Variants in POU6F2 observed in about 807,000 individuals in gnomAD.
POU6F2 encodes the protein POU class 6 homeobox 2, also known as POU domain, class 6, transcription factor 2.
POU6F2 carries 31 observed loss-of-function variants against 71.3 expected under a neutral mutation model. The observed-to-expected ratio is 0.43, with a 90% CI of 0.33 to 0.59. The LOEUF (loss-of-function observed/expected upper bound fraction) is 0.59. Ranked by LOEUF, POU6F2 falls within the 20% of genes least tolerant of loss-of-function variation. The probability of loss-of-function intolerance (pLI) is 0.04; values close to 1 mark genes in which losing one functional copy is unlikely to be tolerated. For synonymous variants in POU6F2, 347 were observed against 355.7 expected, an observed-to-expected ratio of 0.98 and a Z score of 0.27; for missense variants, 783 against 856.8, an observed-to-expected ratio of 0.91 and a Z score of 1.07.
At chr7:39,004,322 G>A (rs1788995293) in intron 1 of POU6F2, among the ~76,000 whole-genome samples, 1 of 152,208 alleles carries the variant, frequency 6.6e-6, no homozygotes, top group Admixed American at 6.5e-5. Context: ...GTCAATATGA[G>A]TATTAGGCAC....
chr7:39,401,388 A>G (rs568150256), intron 5 of POU6F2, among the ~76,000 whole-genome samples: 2 of 152,346 alleles, frequency 1.3e-5, no homozygotes, highest in African/African-American at 4.8e-5. Flanking sequence ...TCTAACTGTT[A>G]TGAGGGTGTT....
At chr7:39,172,171 A>G (rs1483581694) in intron 2 of POU6F2, among the ~76,000 whole-genome samples, 1 of 152,184 alleles carries the variant, frequency 6.6e-6, no homozygotes, top group Non-Finnish European at 1.5e-5. Flanking sequence ...TTCTTTGCAC[A>G]TTTGTGTTCA....
chr7:39,272,222 C>G (rs1005478751), intron 4 of POU6F2, among the ~76,000 whole-genome samples: 2 of 152,006 alleles, frequency 1.3e-5, no homozygotes, highest in African/African-American at 4.8e-5. Flanking sequence ...TCATAAATAC[C>G]AAATAGAAAT....
chr7:39,327,980 GCA>G (rs1785550831), intron 4 of POU6F2, among the ~76,000 whole-genome samples: 1 of 152,124 alleles, frequency 6.6e-6, no homozygotes, highest in Non-Finnish European at 1.5e-5. Flanking sequence ...GAGTGCAGTG[GCA>G]TGATCTCAGC....
intron 4 of POU6F2, among the ~76,000 whole-genome samples, chr7:39,315,393 G>T (rs1785243842): frequency 6.6e-6 from 1 of 152,124 alleles, no homozygotes; most frequent in Non-Finnish European, 1.5e-5. Context: ...TTTTTGCAAG[G>T]GTTAGAGGAG....
chr7:39,387,385 A>C (rs1231716168), intron 5 of POU6F2, among the ~76,000 whole-genome samples: 1 of 152,152 alleles, frequency 6.6e-6, no homozygotes, highest in Non-Finnish European at 1.5e-5. Flanking sequence ...CCTGCCATTC[A>C]GACTTCTTCT....
intron 4 of POU6F2, among the ~76,000 whole-genome samples, chr7:39,272,257 A>C (rs1341132452): frequency 6.6e-6 from 1 of 152,170 alleles, no homozygotes. Flanking sequence ...TCGATTCATC[A>C]TCCTCCCACT....
chr7:39,415,360 C>T (rs1787649901), intron 6 of POU6F2, among the ~76,000 whole-genome samples: 1 of 152,196 alleles, frequency 6.6e-6, no homozygotes, highest in East Asian at 1.9e-4. Context: ...TTTCGTTTTC[C>T]TGGGAATTGG....
intron 2 of POU6F2, among the ~76,000 whole-genome samples, chr7:39,087,259 C>G (rs1478205562): frequency 6.6e-6 from 1 of 151,678 alleles, no homozygotes; most frequent in Non-Finnish European, 1.5e-5. Flanking sequence ...CGTGCTTCAA[C>G]CGACAATCTT....
intron 4 of POU6F2, among the ~76,000 whole-genome samples, chr7:39,210,018 C>T (rs940270126): frequency 5.3e-5 from 8 of 152,110 alleles, no homozygotes; most frequent in East Asian, 1.9e-4. Context: ...CAGTCAACAG[C>T]GAGGGGAGAA....
intron 4 of POU6F2, among the ~76,000 whole-genome samples, chr7:39,223,585 A>G (rs1794408692): frequency 6.6e-6 from 1 of 152,192 alleles, no homozygotes; most frequent in Non-Finnish European, 1.5e-5. Flanking sequence ...AATTCAACAG[A>G]GGACCTAAAC....
In POU6F2 at chr7:39,460,735, T is replaced by C; in HGVS notation, c.1658+20T>C. On this transcript the variant is annotated intron_variant, in intron 9 of 9. Coordinates refer to ENST00000518318, the MANE Select transcript of POU6F2 (RefSeq NM_001370959.1). This position sits in a 1 kb window ranked among gnomAD's most constrained non-coding sequence, Gnocchi z 4.4. ...CTGCAGGTAACGCGCGCCTGCATGCTGTCACCTCTTCTAGCCGCCCTGGGC... is the reference window on the plus strand; with the variant it reads ...CTGCAGGTAACGCGCGCCTGCATGCCGTCACCTCTTCTAGCCGCCCTGGGC... 6.4e-7 allele frequency: 1 copy of C among 1,563,706 alleles called. No homozygotes were observed. Among genetic ancestry groups the C allele is most frequent in the Non-Finnish European group, 8.7e-7 (1 of 1,154,022 alleles).
chr7:39,318,328 G>T (rs1022356437), intron 4 of POU6F2, among the ~76,000 whole-genome samples: 1 of 152,180 alleles, frequency 6.6e-6, no homozygotes. Flanking sequence ...CCCACTACAG[G>T]GTATGTAATC....
intron 5 of POU6F2, among the ~76,000 whole-genome samples, chr7:39,360,938 T>C (rs1786375716): frequency 6.6e-6 from 1 of 152,164 alleles, no homozygotes; most frequent in African/African-American, 2.4e-5. Flanking sequence ...TGCAACCTGT[T>C]TTATCAGCAA....
intron 1 of POU6F2, among the ~76,000 whole-genome samples, chr7:39,064,476 A>T (rs924930141): frequency 1.3e-5 from 2 of 151,914 alleles, no homozygotes; most frequent in African/African-American, 4.8e-5. Flanking sequence ...AAATGAAACA[A>T]AAAAACAAAT....
intron 5 of POU6F2, among the ~76,000 whole-genome samples, chr7:39,395,354 G>T: frequency 6.6e-6 from 1 of 152,102 alleles, no homozygotes; most frequent in East Asian, 1.9e-4. Context: ...GCTATTCCCA[G>T]TGGGTGAGAA....
At position 38,995,537 on chromosome 7, in the gene POU6F2, T is replaced by C. The variant is rs541683771; in HGVS notation, c.105+17479T>C. On this transcript the variant is annotated intron_variant, in intron 1 of 9. Transcript: ENST00000518318. ...AAAAGAGAGAGGACTAAAATATTTG[T>C]TTGGCTACAGAGGGAGAAATTCCCT... Among the ~76,000 whole-genome samples, 7 of 152,342 alleles carry C rather than the reference T, an allele frequency of 4.6e-5. No homozygotes were observed. In the South Asian group the frequency reaches 1.5e-3, roughly 32 times the overall value.
chr7:39,358,923 A>G (rs1357415226), intron 5 of POU6F2, among the ~76,000 whole-genome samples: 2 of 151,578 alleles, frequency 1.3e-5, no homozygotes, highest in Non-Finnish European at 2.9e-5. Flanking sequence ...TTATTGTCCC[A>G]TGAATTAAAC....
intron 2 of POU6F2, among the ~76,000 whole-genome samples, chr7:39,130,147 G>GGT (rs10600961): frequency 0.016 from 2,258 of 143,386 alleles, 28 homozygotes; most frequent in African/African-American, 0.033. Flanking sequence ...GAAAGGGGTA[G>GGT]GTGTGTGTGT....
Sources: gnomAD v4.1 joint callset for allele counts (sites outside exome capture counted in the v4.1 genomes callset) on GRCh38, gnomAD v4.1.1 for gene constraint, Gnocchi (gnomAD v3.1) non-coding constraint, MANE v1.5 for transcripts, NCBI Gene and HGNC (gene_info 2026-07-23, HGNC 2026-07-21) for gene names.